MAMDC2: variants seen among roughly 807,000 people sequenced by gnomAD.
The protein encoded by MAMDC2 is MAM domain containing 2.
In MAMDC2, 57 loss-of-function variants were observed where a neutral mutation model predicts 89.8. The ratio of observed to expected loss-of-function variants is 0.63; its 90% CI spans 0.51 to 0.79. MAMDC2 has a LOEUF of 0.79. Ranked by LOEUF, MAMDC2 falls within the 30% of genes least tolerant of loss-of-function variation. The pLI is 0.00. For missense variants in MAMDC2, 800 were observed against 820.6 expected (o/e 0.97, Z 0.31); for synonymous variants, 313 against 293.4 (o/e 1.07, Z -0.68).
chr9:70,067,938 T>C (rs963726480), intron 2 of MAMDC2, among the ~76,000 whole-genome samples: 2 of 152,230 alleles, frequency 1.3e-5, no homozygotes, highest in Admixed American at 1.3e-4. Context: ...AGCCATGTGA[T>C]CTTATACAAG....
chr9:70,118,168 C>A (rs902430968), intron 5 of MAMDC2, among the ~76,000 whole-genome samples: 3 of 149,546 alleles, frequency 2.0e-5, no homozygotes, highest in African/African-American at 7.7e-5. Context: ...GAGTTCCAGG[C>A]TACATTCCTA....
At chr9:70,194,157 G>A (rs2032934690) in intron 11 of MAMDC2, 1 of 152,060 alleles carries the variant, frequency 6.6e-6, no homozygotes, top group South Asian at 2.1e-4. Context: ...ACCAAACAAT[G>A]AGCTGCCTCT....
intron 9 of MAMDC2, among the ~76,000 whole-genome samples, chr9:70,163,338 C>T (rs2032051819): frequency 6.6e-6 from 1 of 151,398 alleles, no homozygotes; most frequent in African/African-American, 2.4e-5. Context: ...AAGTGACTCT[C>T]CTGCCTCAGC....
intron 2 of MAMDC2, among the ~76,000 whole-genome samples, chr9:70,045,980 T>G (rs1446497081): frequency 6.6e-6 from 1 of 152,238 alleles, no homozygotes; most frequent in Non-Finnish European, 1.5e-5. Flanking sequence ...ATTCCTATCT[T>G]GCTGATGGCT....
intron 11 of MAMDC2, among the ~76,000 whole-genome samples, chr9:70,215,872 G>A (rs972005733): frequency 6.6e-6 from 1 of 152,156 alleles, no homozygotes; most frequent in Non-Finnish European, 1.5e-5. Flanking sequence ...GACCAACGAT[G>A]CTTTCTCCCA....
intron 12 of MAMDC2, among the ~76,000 whole-genome samples, chr9:70,225,239 A>G (rs1037162163): frequency 6.6e-6 from 1 of 152,182 alleles, no homozygotes; most frequent in Non-Finnish European, 1.5e-5. Flanking sequence ...ATTTAACATA[A>G]GTGAACCATT....
chr9:70,085,539 CT>C (rs1315276933), intron 2 of MAMDC2, among the ~76,000 whole-genome samples: 1 of 152,086 alleles, frequency 6.6e-6, no homozygotes, highest in African/African-American at 2.4e-5. Context: ...GCCCTCCTGA[CT>C]TTGTCTAATC....
Position 70,195,085 on chromosome 9 carries a change from C to T in MAMDC2, c.1652-23252C>T, listed in dbSNP as rs562717200. On this transcript the variant is annotated intron_variant, in intron 11 of 13. Coordinates refer to ENST00000377182, the MANE Select transcript of MAMDC2 (RefSeq NM_153267.5). Reference sequence around the variant, plus strand: ...ATATGAAGTTTCCTATTTGAATAAACGTACTAAAAATGGAATCTATTTAAA... The same window carrying T: ...ATATGAAGTTTCCTATTTGAATAAATGTACTAAAAATGGAATCTATTTAAA... Among the ~76,000 whole-genome samples the T allele has an allele frequency of 1.3e-3, 202 of 152,052 alleles. 1 individual carries two copies. Among genetic ancestry groups the T allele is most frequent in the African/African-American group, 4.6e-3 (192 of 41,466 alleles).
intron 11 of MAMDC2, among the ~76,000 whole-genome samples, chr9:70,199,321 A>ATAGTT (rs1212236993): frequency 6.9e-6 from 1 of 144,148 alleles, no homozygotes; most frequent in Non-Finnish European, 1.5e-5. Flanking sequence ...TGATCTTGCG[A>ATAGTT]TAGTTTACTG....
chr9:70,066,562 G>A (rs1827271199), intron 2 of MAMDC2, among the ~76,000 whole-genome samples: 1 of 152,152 alleles, frequency 6.6e-6, no homozygotes, highest in Admixed American at 6.5e-5. Context: ...AGAGATCATA[G>A]TGGCTTAGGA....
chr9:70,151,955 C>T (rs962052404), intron 9 of MAMDC2, among the ~76,000 whole-genome samples: 17 of 152,116 alleles, frequency 1.1e-4, no homozygotes, highest in African/African-American at 2.4e-4. Flanking sequence ...AAAGACAGTA[C>T]GTGCCTTCAT....
intron 2 of MAMDC2, chr9:70,088,399 C>A (rs1048477015): frequency 6.6e-6 from 1 of 152,088 alleles, no homozygotes; most frequent in Non-Finnish European, 1.5e-5. Context: ...CTGCTAGAAG[C>A]ATGGGCATAG....
chr9:70,044,334 G>C (rs1007160945), intron 1 of MAMDC2, 103 bp downstream of exon 1: 27 of 1,307,192 alleles, frequency 2.1e-5, no homozygotes, highest in Non-Finnish European at 2.7e-5. Context: ...TGGGCCATCC[G>C]AGGGCGCCTC....
intron 6 of MAMDC2, among the ~76,000 whole-genome samples, chr9:70,129,821 A>T (rs2030714849): frequency 6.6e-6 from 1 of 152,148 alleles, no homozygotes; most frequent in African/African-American, 2.4e-5. Flanking sequence ...CGCTTAAGAA[A>T]CAGAAATTTT....
chr9:70,065,801 T>C (rs897334730), intron 2 of MAMDC2, among the ~76,000 whole-genome samples: 37 of 152,338 alleles, frequency 2.4e-4, no homozygotes, highest in African/African-American at 8.7e-4. Flanking sequence ...AAGCTCATGA[T>C]TCTTACATTG....
intron 11 of MAMDC2, 83 bp from the exon 12 acceptor site, chr9:70,218,254 T>C: frequency 6.9e-7 from 1 of 1,450,524 alleles, no homozygotes; most frequent in Non-Finnish European, 9.3e-7. Flanking sequence ...CATCTTGACT[T>C]GACACTCTGA....
intron 2 of MAMDC2, among the ~76,000 whole-genome samples, chr9:70,102,098 G>A (rs1828212942): frequency 6.7e-6 from 1 of 149,898 alleles, no homozygotes; most frequent in Non-Finnish European, 1.5e-5. Flanking sequence ...ATGTGTGTGT[G>A]TTGTACTAGT....
At chr9:70,058,505 T>G (rs1827075055) in intron 2 of MAMDC2, among the ~76,000 whole-genome samples, 1 of 152,174 alleles carries the variant, frequency 6.6e-6, no homozygotes, top group African/African-American at 2.4e-5. Context: ...TGTTTTTTAT[T>G]ATTAATTAGT....
chr9:70,099,600 G>A (rs1013093769), intron 2 of MAMDC2, among the ~76,000 whole-genome samples: 2 of 152,166 alleles, frequency 1.3e-5, no homozygotes, highest in Non-Finnish European at 2.9e-5. Flanking sequence ...GCCCATAGCA[G>A]TAGAGCAGGC....
Sources: allele counts gnomAD v4.1 joint callset (sites outside exome capture counted in the v4.1 genomes callset), GRCh38; gene constraint gnomAD v4.1.1; transcripts MANE v1.5; gene names NCBI Gene and HGNC (gene_info 2026-07-23, HGNC 2026-07-21).